Variants in IL6R observed in about 807,000 individuals in gnomAD.
The protein encoded by IL6R is interleukin-6 receptor subunit alpha.
In IL6R, 38 loss-of-function variants were observed where a neutral mutation model predicts 48.3. That is an observed-to-expected ratio of 0.79 (90% CI 0.61 to 1.03). The LOEUF is 1.03. Among genes scored for constraint, IL6R ranks in the 50% least tolerant of loss-of-function variants. IL6R has a pLI of 0.00. For synonymous variants in IL6R, 264 were observed against 256.2 expected (o/e 1.03, Z -0.29); for missense variants, 534 against 618.3 (o/e 0.86, Z 1.45).
chr1:154,405,696 A>G lies in IL6R; in HGVS notation c.67A>G (p.Arg23Gly). The G allele has an allele frequency of 2.6e-6, 4 of 1,523,028 alleles. No homozygotes were observed. The highest frequency in any genetic ancestry group is 2.4e-5 in the South Asian group (2 of 83,134). The allele number at this position is 1,523,028 out of a possible 1,614,324, so 94.3% of individuals were successfully genotyped here. ...LAAPGAALAP[R>G]RCPAQEVARG... is the part of the protein sequence containing the mutation. ...CGCGCCGGGAGCGGCGCTGGCCCCA[A>G]GGCGCTGCCCTGCGCAGGGTAAGGG... The change falls in exon 1 of 10, where the codon AGG becomes GGG. Residue 23 changes from arginine to glycine, a missense_variant. By Grantham distance (125) the Arg-to-Gly change is moderately radical. Transcript: ENST00000368485. The surrounding 1 kb of genome is among the most constrained non-coding windows in gnomAD (Gnocchi z 5.2).
chr1:154,429,542 T>A (rs1164291827), intron 2 of IL6R, 98 bp downstream of exon 2: 1 of 1,406,578 alleles, frequency 7.1e-7, no homozygotes, highest in Non-Finnish European at 9.6e-7. Context: ...ACTCCCACCA[T>A]TTCCTTGGCG....
intron 1 of IL6R, among the ~76,000 whole-genome samples, chr1:154,409,964 A>G (rs1473111205): frequency 1.3e-5 from 2 of 152,204 alleles, no homozygotes; most frequent in African/African-American, 4.8e-5. Flanking sequence ...AAGAAAATAT[A>G]CAAATCTCTA....
intron 1 of IL6R, among the ~76,000 whole-genome samples, chr1:154,416,751 T>C (rs898876090): frequency 2.0e-5 from 3 of 152,044 alleles, no homozygotes; most frequent in African/African-American, 4.8e-5. Flanking sequence ...GTGGGGACTT[T>C]GGGGCCTGTA....
chr1:154,437,058 T>C lies in IL6R; in HGVS notation c.949+948T>C, dbSNP rs534197484. ...TTAGTAACTGCCTGATTAATACATATATTTTAAAACTCCATGGAAATTTGT... is the reference window on the plus strand; with the variant it reads ...TTAGTAACTGCCTGATTAATACATACATTTTAAAACTCCATGGAAATTTGT... On this transcript the variant is annotated intron_variant, in intron 6 of 9. Transcript: ENST00000368485. Among the ~76,000 whole-genome samples the C allele has an allele frequency of 6.6e-5, 10 of 152,318 alleles. No homozygotes were observed. In the East Asian group the frequency reaches 1.5e-3, roughly 23 times the overall value.
rs7518199 is a variant in IL6R, at chr1:154,434,943, A to C, written c.641-47A>C. ...GATCTCAGCCTACATGGGCTTCTCTACACTATATTTGGTGCTGCAAAGGAG... is the reference window on the plus strand; with the variant it reads ...GATCTCAGCCTACATGGGCTTCTCTCCACTATATTTGGTGCTGCAAAGGAG... On this transcript the variant is annotated intron_variant, in intron 4 of 9. Coordinates refer to ENST00000368485, the MANE Select transcript of IL6R (RefSeq NM_000565.4). 0.4 allele frequency: 632,979 copies of C among 1,597,692 alleles called. 128,677 individuals carry two copies. Among genetic ancestry groups the C allele is most frequent in the Admixed American group, 0.54 (32,218 of 59,292 alleles).
intron 6 of IL6R, among the ~76,000 whole-genome samples, chr1:154,442,449 G>A (rs923269352): frequency 1.3e-5 from 2 of 152,190 alleles, no homozygotes; most frequent in African/African-American, 4.8e-5. Flanking sequence ...ACGTGTGTGG[G>A]TGGGTGGTCT....
At chr1:154,417,080 C>T (rs2149215310) in intron 1 of IL6R, among the ~76,000 whole-genome samples, 1 of 152,232 alleles carries the variant, frequency 6.6e-6, no homozygotes, top group African/African-American at 2.4e-5. Flanking sequence ...ACATCAGGTC[C>T]CTCCCTCTCC....
intron 6 of IL6R, among the ~76,000 whole-genome samples, chr1:154,442,920 C>A (rs4845372): frequency 0.47 from 70,818 of 151,788 alleles, 17,354 homozygotes; most frequent in African/African-American, 0.6. Context: ...GCATGCATCA[C>A]GATGCCCAGC....
At position 154,467,930 on chromosome 1, in the gene IL6R, A is replaced by G. The variant is rs1289748732; in HGVS notation, c.*2550A>G. 6.6e-6 allele frequency: 1 copy of G among 152,180 alleles called. No homozygotes were observed. Among genetic ancestry groups the G allele is most frequent in the Non-Finnish European group, 1.5e-5 (1 of 68,032 alleles). The allele number at this position is 152,180 out of a possible 1,614,324, so 9.4% of individuals were successfully genotyped here. On this transcript the variant is annotated 3_prime_UTR_variant, in exon 10 of 10. Coordinates refer to ENST00000368485, the MANE Select transcript of IL6R (RefSeq NM_000565.4). The stretch of plus-strand genomic sequence containing the variant: ...CAATTCTTTATACCGTTTTACCCAC[A>G]TGTGGTGTTACCAAAGCCGGGCAGA...
At chr1:154,438,580 C>T (rs1042085363) in intron 6 of IL6R, among the ~76,000 whole-genome samples, 8 of 152,138 alleles carry the variant, frequency 5.3e-5, no homozygotes, top group Non-Finnish European at 7.4e-5. Flanking sequence ...GTAGAATTGA[C>T]ATCAGTCCCA....
At chr1:154,406,212 G>T (rs954248515) in intron 1 of IL6R, among the ~76,000 whole-genome samples, 1 of 152,186 alleles carries the variant, frequency 6.6e-6, no homozygotes, top group Non-Finnish European at 1.5e-5. Context: ...ATGTGTGGAT[G>T]ACAGTGCCCT....
At chr1:154,447,837 C>A (rs1390638778) in intron 6 of IL6R, among the ~76,000 whole-genome samples, 1 of 151,918 alleles carries the variant, frequency 6.6e-6, no homozygotes, top group Non-Finnish European at 1.5e-5. Flanking sequence ...GCCTCAGCCT[C>A]CCGAGTAGCT....
intron 1 of IL6R, among the ~76,000 whole-genome samples, chr1:154,422,224 G>C (rs1553305135): frequency 6.6e-6 from 1 of 151,856 alleles, no homozygotes; most frequent in South Asian, 2.1e-4. Context: ...TTACAGGCGT[G>C]AGCCACGGCG....
In IL6R at chr1:154,434,590, A is replaced by G; in HGVS notation, c.530A>G (p.Gln177Arg). The change falls in exon 4 of 10, where the codon CAG becomes CGG. Residue 177 changes from glutamine to arginine, a missense_variant. Coordinates refer to ENST00000368485, the MANE Select transcript of IL6R (RefSeq NM_000565.4). ...YSQESQKFSC[Q>R]LAVPEGDSSF... is the part of the protein sequence containing the mutation. ...CAGGAGTCCCAGAAGTTCTCCTGCCAGTTAGCAGTCCCGGAGGGAGACAGC... is the reference window on the plus strand; with the variant it reads ...CAGGAGTCCCAGAAGTTCTCCTGCCGGTTAGCAGTCCCGGAGGGAGACAGC... The G allele has an allele frequency of 1.2e-6, 2 of 1,614,106 alleles. No homozygotes were observed. The highest frequency in any genetic ancestry group is 1.1e-5 in the South Asian group (1 of 91,072).
chr1:154,418,667 C>A (rs963545922), intron 1 of IL6R, among the ~76,000 whole-genome samples: 18 of 152,080 alleles, frequency 1.2e-4, no homozygotes, highest in Admixed American at 1.3e-4. Context: ...CCGAGGGTGC[C>A]CTCTGAAATG....
At chr1:154,431,500 G>A (rs1476504185) in intron 3 of IL6R, among the ~76,000 whole-genome samples, 1 of 152,176 alleles carries the variant, frequency 6.6e-6, no homozygotes, top group Non-Finnish European at 1.5e-5. Context: ...ATTAGGTGCA[G>A]TAAGAGGTTA....
In IL6R at chr1:154,405,452, G is replaced by C; in HGVS notation, c.-178G>C. The C allele has an allele frequency of 1.8e-6, 1 of 568,444 alleles. No individual in the cohort carries two copies. Among genetic ancestry groups the C allele is most frequent in the East Asian group, 3.4e-5 (1 of 29,572 alleles). 35.2% of individuals were successfully genotyped at this position (568,444 alleles called of 1,614,324 possible). ...AGGGAGAGGAGCCGAGCGCGGCGCGGGGCCGAGGGACTCGCAGTGTGTGTA... is the reference window on the plus strand; with the variant it reads ...AGGGAGAGGAGCCGAGCGCGGCGCGCGGCCGAGGGACTCGCAGTGTGTGTA... On this transcript the variant is annotated 5_prime_UTR_variant, in exon 1 of 10. Transcript: ENST00000368485. This position sits in a 1 kb window ranked among gnomAD's most constrained non-coding sequence, Gnocchi z 5.2.
chr1:154,465,085 A>AG (rs1235300111), intron 9 of IL6R, 49 bp from the exon 10 acceptor site: 1 of 1,610,700 alleles, frequency 6.2e-7, no homozygotes, highest in Non-Finnish European at 8.5e-7. Flanking sequence ...GGCTTGTCAC[A>AG]GGGGGAGCTA....
chr1:154,405,525 GCCTGCCCGCCCACCGCCCCGCCCCGCC>G lies in IL6R; in HGVS notation c.-98_-72del. 4.5e-6 allele frequency: 2 copies of G among 445,536 alleles called. No homozygotes were observed. Among genetic ancestry groups the G allele is most frequent in the Non-Finnish European group, 8.0e-6 (2 of 250,886 alleles). 27.6% of individuals were successfully genotyped at this position (445,536 alleles called of 1,614,324 possible). On this transcript the variant is annotated 5_prime_UTR_variant, in exon 1 of 10. Coordinates refer to ENST00000368485, the MANE Select transcript of IL6R (RefSeq NM_000565.4). The surrounding 1 kb of genome is among the most constrained non-coding windows in gnomAD (Gnocchi z 5.2). ...GGGGCTGCCCCCGGGGCCTGAGCCC[GCCTGCCCGCCCACCGCCCCGCCCCGCC>G]CCTGCCACCCCTGCCGCCCGGTTCC...
Sources: allele counts gnomAD v4.1 joint callset (sites outside exome capture counted in the v4.1 genomes callset), GRCh38; gene constraint gnomAD v4.1.1; non-coding constraint Gnocchi (gnomAD v3.1); transcripts MANE v1.5; gene names NCBI Gene and HGNC (gene_info 2026-07-23, HGNC 2026-07-21).